BAZ1A: variants seen among roughly 807,000 people sequenced by gnomAD.
BAZ1A encodes bromodomain adjacent to zinc finger domain protein 1A.
BAZ1A carries 50 observed loss-of-function variants against 185.2 expected under a neutral mutation model. The ratio of observed to expected loss-of-function variants is 0.27; its 90% confidence interval spans 0.22 to 0.34. The LOEUF (loss-of-function observed/expected upper bound fraction) is 0.34, where lower values mean the gene tolerates loss of function less well. Among genes scored for constraint, BAZ1A ranks in the 10% least tolerant of loss-of-function variants. BAZ1A has a pLI of 1.00. For missense variants in BAZ1A, 1,356 were observed against 1,839.9 expected (o/e 0.74, Z 4.81); for synonymous variants, 571 against 615.6 (o/e 0.93, Z 1.07).
At chr14:34,821,754 G>GT (rs1476417739) in intron 4 of BAZ1A, among the ~76,000 whole-genome samples, 44 of 152,266 alleles carry the variant, frequency 2.9e-4, no homozygotes, top group Admixed American at 5.2e-4. Context: ...GGAAGCCAAG[G>GT]CGGGCAGATC....
At chr14:34,870,970 T>C (rs1317387653) in intron 2 of BAZ1A, among the ~76,000 whole-genome samples, 1 of 152,216 alleles carries the variant, frequency 6.6e-6, no homozygotes, top group Non-Finnish European at 1.5e-5. Flanking sequence ...TTGGACCACC[T>C]GTTAGTGATG....
At chr14:34,775,753 C>G in intron 18 of BAZ1A, among the ~76,000 whole-genome samples, 166 bp downstream of exon 18, 1 of 152,244 alleles carries the variant, frequency 6.6e-6, no homozygotes, top group South Asian at 2.1e-4. Flanking sequence ...TATTTCTATA[C>G]AGAAATACAT....
chr14:34,782,973 T>C, intron 16 of BAZ1A, 146 bp downstream of exon 16: 1 of 654,074 alleles, frequency 1.5e-6, no homozygotes, highest in Non-Finnish European at 2.7e-6. Context: ...AAATAGCCTA[T>C]TGAGTGTTTT....
chr14:34,764,009 T>C (rs1437280530), intron 23 of BAZ1A, among the ~76,000 whole-genome samples: 4 of 152,150 alleles, frequency 2.6e-5, no homozygotes, highest in South Asian at 2.1e-4. Context: ...TAAGGGGAGA[T>C]TGCCCCAGTG....
chr14:34,775,773 C>CT lies in BAZ1A; in HGVS notation c.2833+145dup, dbSNP rs1594825267. On this transcript the variant is annotated intron_variant, in intron 18 of 26. Transcript: ENST00000360310. ...CTATACAGAAATACATTCCCAAACT[C>CT]TAACTTGCAAACTAAAAGGACAGCC... 1.4e-5 allele frequency: 9 copies of CT among 635,052 alleles called. No individual in the cohort carries two copies. In the East Asian group the frequency reaches 2.5e-4, roughly 17 times the overall value. The allele number at this position is 635,052 out of a possible 1,614,324, so 39.3% of individuals were successfully genotyped here. A position where few individuals can be genotyped will look rare whatever the true frequency, so the allele number is the denominator to read the frequency against.
chr14:34,829,443 A>T (rs1197506615), intron 3 of BAZ1A, among the ~76,000 whole-genome samples: 2 of 152,152 alleles, frequency 1.3e-5, no homozygotes, highest in Non-Finnish European at 2.9e-5. Flanking sequence ...CATTGGCCAA[A>T]AAATAAATTA....
intron 3 of BAZ1A, among the ~76,000 whole-genome samples, chr14:34,828,983 G>C (rs1223789459): frequency 6.6e-6 from 1 of 152,172 alleles, no homozygotes; most frequent in Admixed American, 6.5e-5. Flanking sequence ...TTTGCTTCTT[G>C]TAAAGACCAT....
Position 34,762,151 on chromosome 14 carries a change from T to C in BAZ1A, c.3849A>G (p.Ser1283=), listed in dbSNP as rs1886552581. 5 of 1,614,222 alleles carry C rather than the reference T, an allele frequency of 3.1e-6. No individual in the cohort carries two copies. In the East Asian group the frequency reaches 1.1e-4, roughly 36 times the overall value. ...CAGGTTCTTGTTGTTGGCCACGACT[T>C]GAGAAAGAAGAGCTAAGTTTCCCTC... ...KTRGKLSSSF[S]SRGQQQEPGR... Residue 1283 remains serine (S), a synonymous_variant, in exon 24 of 27, where the codon TCA becomes TCG. Transcript: ENST00000360310.
At chr14:34,826,291 T>C (rs2138716504) in intron 3 of BAZ1A, 135 bp from the exon 4 acceptor site, 1 of 817,310 alleles carries the variant, frequency 1.2e-6, no homozygotes, top group East Asian at 3.2e-5. Flanking sequence ...AACAATTTAA[T>C]TAAAAAGAAA....
intron 9 of BAZ1A, among the ~76,000 whole-genome samples, chr14:34,796,823 G>A (rs1039225683): frequency 6.6e-6 from 1 of 152,186 alleles, no homozygotes; most frequent in African/African-American, 2.4e-5. Flanking sequence ...GCTGTAACTT[G>A]AATAGTCTGC....
chr14:34,791,065 T>A (rs959247768), intron 12 of BAZ1A, among the ~76,000 whole-genome samples: 1 of 151,944 alleles, frequency 6.6e-6, no homozygotes, highest in Non-Finnish European at 1.5e-5. Context: ...GAGGTTACAG[T>A]GAGTCAAGAT....
Position 34,753,392 on chromosome 14 carries a change from G to T in BAZ1A, c.*116C>A. 2 of 976,044 alleles carry T rather than the reference G, an allele frequency of 2.0e-6. No homozygotes were observed. Among genetic ancestry groups the T allele is most frequent in the Non-Finnish European group, 3.1e-6 (2 of 644,284 alleles). 60.5% of individuals were successfully genotyped at this position (976,044 alleles called of 1,614,324 possible). ...TTAATATTAAAATTGAGAATATAGT[G>T]CAGGCCACACTTTCATGTGGTCAAT... On this transcript the variant is annotated 3_prime_UTR_variant, in exon 27 of 27. Coordinates refer to ENST00000360310, the MANE Select transcript of BAZ1A (RefSeq NM_013448.3).
rs569605955 is a variant in BAZ1A at position 34,848,460 on chromosome 14, G to A, written c.392+13584C>T. Among the ~76,000 whole-genome samples, 27 of 152,228 alleles carry A rather than the reference G, an allele frequency of 1.8e-4. No individual in the cohort carries two copies. In the South Asian group the frequency reaches 4.4e-3, roughly 25 times the overall value. ...GTCTCTACTAATACAAAAATTAGCC[G>A]GGCATGGTGGCAGGCACCTGTAATC... is the stretch of plus-strand genomic sequence containing the variant. On this transcript the variant is annotated intron_variant, in intron 3 of 26. Transcript: ENST00000360310.
At chr14:34,870,560 A>T (rs1440779255) in intron 2 of BAZ1A, among the ~76,000 whole-genome samples, 1 of 152,242 alleles carries the variant, frequency 6.6e-6, no homozygotes. Context: ...CTTGGGGTAT[A>T]GTAAAAAGCC....
intron 2 of BAZ1A, among the ~76,000 whole-genome samples, chr14:34,868,506 T>C (rs969889109): frequency 6.6e-6 from 1 of 152,080 alleles, no homozygotes; most frequent in African/African-American, 2.4e-5. Context: ...AATTGTGACA[T>C]AAAAATCAGA....
intron 10 of BAZ1A, 46 bp downstream of exon 10, chr14:34,795,624 A>G (rs1881142537): frequency 7.7e-7 from 1 of 1,299,526 alleles, no homozygotes; most frequent in South Asian, 1.4e-5. Context: ...GCCACATAGG[A>G]CATGTAAAAC....
In BAZ1A at chr14:34,801,149, G is replaced by C. The variant is rs747178023; in HGVS notation, c.906C>G (p.Ser302Arg). 131 of 1,605,474 alleles carry C rather than the reference G, an allele frequency of 8.2e-5. No individual in the cohort carries two copies. Among genetic ancestry groups the C allele is most frequent in the Non-Finnish European group, 1.1e-4 (126 of 1,177,564 alleles). ...GTTTATCTCTTTCTTTAGTAGCTTT[G>C]CTCCTATAACTTGCAAGAGTCTGTT... ...ANKQTLASYR[S>R]KATKERDKLL... Residue 302 changes from serine to arginine, a missense_variant, in exon 8 of 27, where the codon AGC (serine) becomes AGG (arginine). Physicochemically the swap from Ser to Arg is moderately radical, Grantham distance 110. Coordinates refer to ENST00000360310, the MANE Select transcript of BAZ1A (RefSeq NM_013448.3).
At chr14:34,784,003 G>A in intron 14 of BAZ1A, 76 bp from the exon 15 acceptor site, 1 of 1,317,098 alleles carries the variant, frequency 7.6e-7, no homozygotes, top group Non-Finnish European at 1.0e-6. Flanking sequence ...TAAATTTGTG[G>A]CTCAATGTGA....
Position 34,825,447 on chromosome 14 carries a change from C to CAAAAAAAAAAAAA in BAZ1A, c.536+553_536+565dup, listed in dbSNP as rs35449855. On this transcript the variant is annotated intron_variant, in intron 4 of 26. Coordinates refer to ENST00000360310, the MANE Select transcript of BAZ1A (RefSeq NM_013448.3). ...GGGCAACAAGATGGAAACTCTGTCT[C>CAAAAAAAAAAAAA]AAAAAAAAAAAAAAAAAAAAAAAAA... 4.7e-4 allele frequency among the ~76,000 whole-genome samples: 26 copies of CAAAAAAAAAAAAA among 55,426 alleles called. 3 individuals are homozygous for CAAAAAAAAAAAAA. Among genetic ancestry groups the CAAAAAAAAAAAAA allele is most frequent in the Non-Finnish European group, 8.1e-4 (24 of 29,586 alleles). 36.4% of individuals were successfully genotyped at this position (55,426 alleles called of 152,430 possible).
Sources: gnomAD v4.1 joint callset for allele counts (sites outside exome capture counted in the v4.1 genomes callset) on GRCh38, gnomAD v4.1.1 for gene constraint, MANE v1.5 for transcripts, NCBI Gene and HGNC (gene_info 2026-07-23, HGNC 2026-07-21) for gene names.